Variants in DISP1 observed in about 807,000 individuals in gnomAD.
DISP1 encodes the protein dispatched RND transporter family member 1.
DISP1 carries 30 observed loss-of-function variants against 37.3 expected under a neutral mutation model. That is an observed-to-expected ratio of 0.80 (90% confidence interval 0.60 to 1.09). DISP1 has a LOEUF of 1.09. Ranked by LOEUF, DISP1 falls within the 50% of genes least tolerant of loss-of-function variation. The pLI is 0.00. For synonymous variants in DISP1, 634 were observed against 690.2 expected, an observed-to-expected ratio of 0.92 and a Z score of 1.28; for missense variants, 1,598 against 1,879.5, an observed-to-expected ratio of 0.85 and a Z score of 2.77.
At chr1:222,880,496 AAAAAATAAAATAATGACAT>A (rs1418288807) in intron 1 of DISP1, among the ~76,000 whole-genome samples, 2 of 152,172 alleles carry the variant, frequency 1.3e-5, no homozygotes, top group Non-Finnish European at 2.9e-5. Flanking sequence ...ACCACCTCTC[AAAAAATAAAATAATGACAT>A]AAAAATAAAA....
chr1:222,869,839 G>A (rs1366917200), intron 1 of DISP1, among the ~76,000 whole-genome samples: 1 of 151,840 alleles, frequency 6.6e-6, no homozygotes, highest in African/African-American at 2.4e-5. Flanking sequence ...TGCACAACGT[G>A]CAGGTTTGTT....
At chr1:222,972,560 T>G (rs1332288777) in intron 3 of DISP1, among the ~76,000 whole-genome samples, 1 of 152,192 alleles carries the variant, frequency 6.6e-6, no homozygotes, top group African/African-American at 2.4e-5. Flanking sequence ...TAGTCCTTCA[T>G]AGTAAATCCT....
chr1:222,960,807 A>G (rs1462253893), intron 3 of DISP1, among the ~76,000 whole-genome samples: 3 of 152,198 alleles, frequency 2.0e-5, no homozygotes, highest in Non-Finnish European at 2.9e-5. Flanking sequence ...CCACAGAAAT[A>G]CAAACTACCA....
chr1:222,932,452 GT>G (rs1330751272), intron 2 of DISP1, among the ~76,000 whole-genome samples: 1 of 151,882 alleles, frequency 6.6e-6, no homozygotes, highest in Admixed American at 6.6e-5. Context: ...CTAATTAAAT[GT>G]TTTGGCTAGT....
rs563245411 is a variant in DISP1 at position 222,955,792 on chromosome 1, C to T, written c.509+12460C>T. Among the ~76,000 whole-genome samples the T allele has an allele frequency of 2.4e-4, 37 of 152,166 alleles. 1 individual carries two copies. The East Asian group carries it at 6.6e-3, about 27-fold the overall frequency. On this transcript the variant is annotated intron_variant, in intron 3 of 8. Coordinates refer to ENST00000675850, the MANE Select transcript of DISP1 (RefSeq NM_001377229.1). ...TAGCTTATAAAACTGGTGGATGAAC[C>T]CTCAGTTCCTAAATAAGACTTTTGT...
Position 222,822,954 on chromosome 1 carries a change from T to C in DISP1, c.-159+7876T>C, listed in dbSNP as rs1055010079. 3.9e-5 allele frequency among the ~76,000 whole-genome samples: 6 copies of C among 152,220 alleles called. No homozygotes were observed. The South Asian group carries it at 1.2e-3, about 31-fold the overall frequency. Reference sequence around the variant, plus strand: ...CTCTCTCCCAAAGGAAATCTGCTTCTCTCGTAACTGTTAGCTAGTCTGAAT... The same window carrying C: ...CTCTCTCCCAAAGGAAATCTGCTTCCCTCGTAACTGTTAGCTAGTCTGAAT... On this transcript the variant is annotated intron_variant, in intron 1 of 8. Transcript: ENST00000675850.
At chr1:222,960,048 A>G (rs909368455) in intron 3 of DISP1, among the ~76,000 whole-genome samples, 3 of 152,152 alleles carry the variant, frequency 2.0e-5, no homozygotes, top group Admixed American at 6.5e-5. Context: ...TTAACACCCC[A>G]CTATCAATAT....
chr1:222,927,114 T>G (rs928127454), intron 1 of DISP1, among the ~76,000 whole-genome samples: 2 of 152,054 alleles, frequency 1.3e-5, no homozygotes, highest in Non-Finnish European at 2.9e-5. Context: ...AAGCTATTTT[T>G]TTTTTTTTTT....
At chr1:222,921,043 C>T (rs1356146071) in intron 1 of DISP1, among the ~76,000 whole-genome samples, 1 of 152,332 alleles carries the variant, frequency 6.6e-6, no homozygotes, top group Admixed American at 6.5e-5. Context: ...GGCACAGTGG[C>T]TCACGCCTGT....
At chr1:222,976,329 T>C (rs1251659963) in intron 3 of DISP1, among the ~76,000 whole-genome samples, 2 of 152,138 alleles carry the variant, frequency 1.3e-5, no homozygotes, top group African/African-American at 4.8e-5. Flanking sequence ...TTTTCATCTA[T>C]GAAAGTATGT....
At chr1:222,856,628 T>C (rs976726351) in intron 1 of DISP1, among the ~76,000 whole-genome samples, 1 of 152,094 alleles carries the variant, frequency 6.6e-6, no homozygotes, top group African/African-American at 2.4e-5. Context: ...TACCATACGA[T>C]ATCCATTGAT....
At chr1:222,924,732 C>T (rs904972987) in intron 1 of DISP1, among the ~76,000 whole-genome samples, 2 of 152,086 alleles carry the variant, frequency 1.3e-5, no homozygotes, top group Non-Finnish European at 2.9e-5. Flanking sequence ...TTGTTCATAA[C>T]TGTTTGACAC....
intron 1 of DISP1, among the ~76,000 whole-genome samples, chr1:222,899,166 A>G (rs979436237): frequency 1.3e-5 from 2 of 152,192 alleles, no homozygotes; most frequent in Non-Finnish European, 2.9e-5. Context: ...CAAGGCTCAC[A>G]GAAATTATGT....
intron 1 of DISP1, among the ~76,000 whole-genome samples, chr1:222,866,502 G>A (rs769142347): frequency 4.1e-4 from 63 of 151,848 alleles, no homozygotes; most frequent in Non-Finnish European, 5.3e-4. Context: ...GTGCCACCAC[G>A]CCTAGCTAAT....
At chr1:222,937,326 G>C (rs574674207) in intron 2 of DISP1, among the ~76,000 whole-genome samples, 14 of 151,778 alleles carry the variant, frequency 9.2e-5, no homozygotes, top group African/African-American at 2.9e-4. Flanking sequence ...TCCTGACCTC[G>C]TGATCCACCC....
chr1:222,828,959 T>C (rs1381762748), intron 1 of DISP1, among the ~76,000 whole-genome samples: 1 of 152,174 alleles, frequency 6.6e-6, no homozygotes, highest in Admixed American at 6.5e-5. Flanking sequence ...ATTGAACATG[T>C]GGGCTGGGGG....
At chr1:222,852,330 T>TTTTG (rs1201304958) in intron 1 of DISP1, among the ~76,000 whole-genome samples, 2 of 152,036 alleles carry the variant, frequency 1.3e-5, no homozygotes, top group East Asian at 3.9e-4. Context: ...CAAAGTTGTT[T>TTTTG]TTTGTTTGTT....
chr1:222,852,551 C>T lies in DISP1; in HGVS notation c.-159+37473C>T, dbSNP rs75892385. Among the ~76,000 whole-genome samples, 57 of 152,202 alleles carry T rather than the reference C, an allele frequency of 3.7e-4. 1 individual carries two copies. The East Asian group carries it at 0.01, about 27-fold the overall frequency. ...TAAAATCATCATTCACATGAATCATCATGACAGCCTGAAAAATGTAGAACT... is the reference window on the plus strand; with the variant it reads ...TAAAATCATCATTCACATGAATCATTATGACAGCCTGAAAAATGTAGAACT... On this transcript the variant is annotated intron_variant, in intron 1 of 8. Transcript: ENST00000675850.
At chr1:222,989,257 A>G (rs191831314) in intron 4 of DISP1, 35 of 457,136 alleles carry the variant, frequency 7.7e-5, no homozygotes, top group Admixed American at 7.0e-4. Context: ...AATGAGCCAG[A>G]AATAGCCATT....
Sources: gnomAD v4.1 joint callset for allele counts (sites outside exome capture counted in the v4.1 genomes callset) on GRCh38, gnomAD v4.1.1 for gene constraint, MANE v1.5 for transcripts, NCBI Gene and HGNC (gene_info 2026-07-23, HGNC 2026-07-21) for gene names.